The following EXTL3 variants were observed in gnomAD, a reference collection of about 807,000 sequenced individuals.
The protein encoded by EXTL3 is exostosin-like 3.
Under a neutral mutation model 69.3 loss-of-function variants are expected in EXTL3, and 27 were observed. The observed-to-expected ratio is 0.39, with a 90% CI of 0.29 to 0.54. EXTL3 has a LOEUF of 0.54. Among genes scored for constraint, EXTL3 ranks in the 20% least tolerant of loss-of-function variants. The pLI is 0.69. For missense variants in EXTL3, 1,003 were observed against 1,231.8 expected (o/e 0.81, Z 2.78); for synonymous variants, 511 against 499.4 (o/e 1.02, Z -0.31).
intron 3 of EXTL3, among the ~76,000 whole-genome samples, chr8:28,725,760 A>C (rs1337667936): frequency 2.0e-5 from 3 of 152,220 alleles, no homozygotes; most frequent in African/African-American, 4.8e-5. Context: ...CTGTAGTAAC[A>C]TGAAGAAATA....
chr8:28,717,399 G>A lies in EXTL3; in HGVS notation c.1340G>A (p.Cys447Tyr). 1.2e-6 allele frequency: 2 copies of A among 1,614,202 alleles called. No homozygotes were observed. Among genetic ancestry groups the A allele is most frequent in the Non-Finnish European group, 1.7e-6 (2 of 1,180,036 alleles). ...CCTCGCTTGGTTATTTCCTCTGGGTGTGCAACACGGCTCTTCGAAGCCCTG... is the reference window on the plus strand; with the variant it reads ...CCTCGCTTGGTTATTTCCTCTGGGTATGCAACACGGCTCTTCGAAGCCCTG... Reference protein sequence around the residue: ...GDPRLVISSGCATRLFEALEV... With the variant: ...GDPRLVISSGYATRLFEALEV... Residue 447 changes from cysteine to tyrosine, a missense_variant, in exon 3 of 7, where the codon TGT becomes TAT. By Grantham distance (194) the Cys-to-Tyr change is radical. Coordinates refer to ENST00000220562, the MANE Select transcript of EXTL3 (RefSeq NM_001440.4). The surrounding 1 kb of genome is among the most constrained non-coding windows in gnomAD (Gnocchi z 8.3).
At chr8:28,725,119 T>C (rs988807396) in intron 3 of EXTL3, among the ~76,000 whole-genome samples, 1 of 152,194 alleles carries the variant, frequency 6.6e-6, no homozygotes, top group African/African-American at 2.4e-5. Context: ...GGATGTATTA[T>C]GTACGTATAT....
At chr8:28,691,122 G>T (rs1328689112) in intron 1 of EXTL3, among the ~76,000 whole-genome samples, 1 of 152,156 alleles carries the variant, frequency 6.6e-6, no homozygotes, top group African/African-American at 2.4e-5. Context: ...ACCAAAATTA[G>T]TATATTTCAG....
At chr8:28,681,211 A>C (rs1003622031) in intron 1 of EXTL3, among the ~76,000 whole-genome samples, 3 of 151,734 alleles carry the variant, frequency 2.0e-5, no homozygotes, top group Non-Finnish European at 4.4e-5. Context: ...TAGTATTCCA[A>C]TTTTAAAAAT....
At chr8:28,731,148 G>A in intron 3 of EXTL3, 75 bp from the exon 4 acceptor site, 2 of 1,588,754 alleles carry the variant, frequency 1.3e-6, no homozygotes, top group Non-Finnish European at 1.7e-6. Flanking sequence ...TGGTCTCCTT[G>A]GACCTAAATA....
intron 5 of EXTL3, chr8:28,740,314 T>C (rs1316260467): frequency 6.6e-6 from 1 of 152,246 alleles, no homozygotes; most frequent in Non-Finnish European, 1.5e-5. Flanking sequence ...GACTGAGTTT[T>C]GCTGTGTGGC....
At chr8:28,612,463 TAA>T (rs111303829) in intron 2 of EXTL3, among the ~76,000 whole-genome samples, 7 of 127,056 alleles carry the variant, frequency 5.5e-5, no homozygotes, top group African/African-American at 5.8e-5. Context: ...CTCCATCTCT[TAA>T]AAAAAAAAAA....
chr8:28,735,203 G>C (rs1227797180), intron 4 of EXTL3, among the ~76,000 whole-genome samples: 2 of 152,164 alleles, frequency 1.3e-5, no homozygotes, highest in Non-Finnish European at 2.9e-5. Flanking sequence ...AGGTGGTAGT[G>C]GTGGGGGTGG....
chr8:28,709,172 T>C (rs1471629728), intron 1 of EXTL3, among the ~76,000 whole-genome samples: 1 of 152,226 alleles, frequency 6.6e-6, no homozygotes, highest in Non-Finnish European at 1.5e-5. Context: ...GGGTGACCCA[T>C]GGCTCATTAG....
chr8:28,688,637 A>G (rs373405570), intron 1 of EXTL3, among the ~76,000 whole-genome samples: 17 of 152,238 alleles, frequency 1.1e-4, no homozygotes, highest in Non-Finnish European at 2.2e-4. Context: ...TTCTGGGTTC[A>G]GAGCCCGTGT....
At chr8:28,699,486 T>C (rs1297237786), upstream of EXTL3, 1 of 152,888 alleles carries the variant, frequency 6.5e-6, no homozygotes, top group African/African-American at 2.4e-5. Context: ...ATATCCCTGT[T>C]CTTCCTAAGG....
At chr8:28,703,726 C>T (rs112276590) in intron 1 of EXTL3, among the ~76,000 whole-genome samples, 1 of 152,126 alleles carries the variant, frequency 6.6e-6, no homozygotes, top group East Asian at 1.9e-4. Context: ...TTGTATGTTA[C>T]TCTAGAGTGA....
intron 3 of EXTL3, among the ~76,000 whole-genome samples, chr8:28,719,499 C>A (rs1801249449): frequency 6.6e-6 from 1 of 152,206 alleles, no homozygotes; most frequent in Non-Finnish European, 1.5e-5. Flanking sequence ...CTACTTCCTT[C>A]TGTGCAAAGT....
chr8:28,616,829 T>C (rs1013080960), intron 2 of EXTL3, among the ~76,000 whole-genome samples: 6 of 152,316 alleles, frequency 3.9e-5, no homozygotes, highest in African/African-American at 1.4e-4. Context: ...AGACTCCTCT[T>C]CATCTGCCTT....
At chr8:28,720,694 C>T (rs1437771652) in intron 3 of EXTL3, among the ~76,000 whole-genome samples, 1 of 152,076 alleles carries the variant, frequency 6.6e-6, no homozygotes, top group South Asian at 2.1e-4. Context: ...ACAGGACTTG[C>T]AGAGAGATGG....
rs140089014 is a variant in EXTL3 at position 28,734,581 on chromosome 8, G to A, written c.2277-2938G>A. Reference sequence around the variant, plus strand: ...ATAAAAATTAGCGGGGCGTGTTGGCGTGCGCCTGTAATCCCAGCTACTCAG... The same window carrying A: ...ATAAAAATTAGCGGGGCGTGTTGGCATGCGCCTGTAATCCCAGCTACTCAG... On this transcript the variant is annotated intron_variant, in intron 4 of 6. Coordinates refer to ENST00000220562, the MANE Select transcript of EXTL3 (RefSeq NM_001440.4). Among the ~76,000 whole-genome samples, 5 of 152,260 alleles carry A rather than the reference G, an allele frequency of 3.3e-5. No homozygotes were observed. In the East Asian group the frequency reaches 5.8e-4, roughly 18 times the overall value.
chr8:28,633,278 C>T (rs985341005), intron 1 of EXTL3, among the ~76,000 whole-genome samples: 2 of 152,044 alleles, frequency 1.3e-5, no homozygotes, highest in African/African-American at 4.8e-5. Context: ...GTTGAGGCTG[C>T]AGTGAGCCAT....
At position 28,627,460 on chromosome 8, in the gene EXTL3, G is replaced by A. The variant is rs533968421; in HGVS notation, c.-53+4650G>A. Among the ~76,000 whole-genome samples the A allele has an allele frequency of 7.4e-5, 11 of 147,778 alleles. No homozygotes were observed. In the East Asian group the frequency reaches 8.0e-4, roughly 11 times the overall value. ...TGCAGTGAGCTGTGATTGCATCACT[G>A]TATTCCAGCCTGGGTGAGACCCTGT... is the stretch of plus-strand genomic sequence containing the variant. On this transcript the variant is annotated intron_variant, in intron 1 of 6. Coordinates refer to the EXTL3 transcript ENST00000523149.
At chr8:28,645,246 T>G (rs1806809665) in intron 1 of EXTL3, among the ~76,000 whole-genome samples, 1 of 152,206 alleles carries the variant, frequency 6.6e-6, no homozygotes, top group Non-Finnish European at 1.5e-5. Context: ...AATTTAAAAA[T>G]TCCAAATGCA....
Sources: allele counts gnomAD v4.1 joint callset (sites outside exome capture counted in the v4.1 genomes callset), GRCh38; gene constraint gnomAD v4.1.1; non-coding constraint Gnocchi (gnomAD v3.1); transcripts MANE v1.5; gene names NCBI Gene and HGNC (gene_info 2026-07-23, HGNC 2026-07-21).